IL6R: variants seen among roughly 807,000 people sequenced by gnomAD.
IL6R encodes interleukin 6 receptor.
In IL6R, 38 loss-of-function variants were observed where a neutral mutation model predicts 48.3. The ratio of observed to expected loss-of-function variants is 0.79; its 90% CI spans 0.61 to 1.03. The LOEUF is 1.03. Among genes scored for constraint, IL6R ranks in the 50% least tolerant of loss-of-function variants. IL6R has a pLI of 0.00. For synonymous variants in IL6R, 264 were observed against 256.2 expected (o/e 1.03, Z -0.29); for missense variants, 534 against 618.3 (o/e 0.86, Z 1.45).
chr1:154,469,377 A>C lies in IL6R; in HGVS notation c.*3997A>C. On this transcript the variant is annotated 3_prime_UTR_variant, in exon 10 of 10. Transcript: ENST00000368485. ...GGGGCAAAGGGTCAGTATATTTTTC[A>C]GTGTTTTTTTTTCTACCAGCTATTT... is the stretch of plus-strand genomic sequence containing the variant. 1 of 106,520 alleles carries C rather than the reference A, an allele frequency of 9.4e-6. No homozygotes were observed. Among genetic ancestry groups the C allele is most frequent in the Non-Finnish European group, 2.4e-5 (1 of 41,330 alleles). 6.6% of individuals were successfully genotyped at this position (106,520 alleles called of 1,614,324 possible).
chr1:154,423,161 C>A (rs1688776205), intron 1 of IL6R, among the ~76,000 whole-genome samples: 1 of 151,080 alleles, frequency 6.6e-6, no homozygotes, highest in South Asian at 2.1e-4. Context: ...CCCTCATCCC[C>A]CGACATCCCT....
At chr1:154,418,725 C>T (rs987365302) in intron 1 of IL6R, among the ~76,000 whole-genome samples, 4 of 151,992 alleles carry the variant, frequency 2.6e-5, no homozygotes, top group African/African-American at 4.8e-5. Flanking sequence ...TTGGGGAGGA[C>T]GCGAGATTTG....
chr1:154,423,826 G>C (rs1688824382), intron 1 of IL6R, among the ~76,000 whole-genome samples: 1 of 152,128 alleles, frequency 6.6e-6, no homozygotes, highest in African/African-American at 2.4e-5. Flanking sequence ...GTTGCTCCCT[G>C]CAGCTCTGCT....
intron 6 of IL6R, among the ~76,000 whole-genome samples, chr1:154,445,696 G>A (rs572324113): frequency 6.6e-6 from 1 of 151,382 alleles, no homozygotes; most frequent in South Asian, 2.1e-4. Context: ...CTTGCAGTGA[G>A]CTGAGTTTGC....
At position 154,405,741 on chromosome 1, in the gene IL6R, G is replaced by C. The variant is rs1687667319; in HGVS notation, c.85+27G>C. The C allele has an allele frequency of 7.1e-7, 1 of 1,415,390 alleles. No individual in the cohort carries two copies. The highest frequency in any genetic ancestry group is 1.5e-5 in the African/African-American group (1 of 66,218). 87.7% of individuals were successfully genotyped at this position (1,415,390 alleles called of 1,614,324 possible). A position where few individuals can be genotyped will look rare whatever the true frequency, so the allele number is the denominator to read the frequency against. Reference sequence around the variant, plus strand: ...TAAGGGCTTCGGGCGCACCTGGAGGGCTGGGGCAGCTAGCGGCTGGGGGAA... The same window carrying C: ...TAAGGGCTTCGGGCGCACCTGGAGGCCTGGGGCAGCTAGCGGCTGGGGGAA... On this transcript the variant is annotated intron_variant, in intron 1 of 9. Coordinates refer to ENST00000368485, the MANE Select transcript of IL6R (RefSeq NM_000565.4). This position sits in a 1 kb window ranked among gnomAD's most constrained non-coding sequence, Gnocchi z 5.2.
intron 1 of IL6R, among the ~76,000 whole-genome samples, chr1:154,423,288 T>TATATA (rs1688791504): frequency 1.4e-5 from 2 of 138,628 alleles, no homozygotes; most frequent in African/African-American, 2.6e-5. Flanking sequence ...TATATATGTA[T>TATATA]TCATTATAAG....
chr1:154,407,190 T>G (rs1687776086), intron 1 of IL6R, among the ~76,000 whole-genome samples: 1 of 151,970 alleles, frequency 6.6e-6, no homozygotes, highest in African/African-American at 2.4e-5. Flanking sequence ...CATGGTGGTG[T>G]TAGAGGGATG....
At chr1:154,408,505 A>G (rs1687856437) in intron 1 of IL6R, among the ~76,000 whole-genome samples, 2 of 152,080 alleles carry the variant, frequency 1.3e-5, no homozygotes, top group Admixed American at 1.3e-4. Flanking sequence ...CCGTGAACAG[A>G]TTGTCTGGCT....
intron 4 of IL6R, 81 bp from the exon 5 acceptor site, chr1:154,434,909 G>A: frequency 6.8e-7 from 1 of 1,481,046 alleles, no homozygotes; most frequent in Admixed American, 1.8e-5. Context: ...GTGGGGCCCT[G>A]CTTGCTGGGA....
intron 1 of IL6R, among the ~76,000 whole-genome samples, chr1:154,428,431 A>G (rs992485417): frequency 2.0e-5 from 3 of 152,200 alleles, no homozygotes; most frequent in Non-Finnish European, 4.4e-5. Context: ...GTTACCAACT[A>G]TATAACGGGC....
intron 3 of IL6R, among the ~76,000 whole-genome samples, chr1:154,433,976 G>A (rs932675477): frequency 1.3e-5 from 2 of 151,528 alleles, no homozygotes; most frequent in Admixed American, 6.6e-5. Flanking sequence ...ATCTGCCTGC[G>A]TTGCCCTCCC....
intron 1 of IL6R, among the ~76,000 whole-genome samples, chr1:154,406,220 CCTGA>C (rs548566156): frequency 2.5e-4 from 38 of 152,158 alleles, no homozygotes; most frequent in Non-Finnish European, 3.4e-4. Flanking sequence ...ATGACAGTGC[CCTGA>C]CTATGAAGGG....
At chr1:154,421,908 A>G (rs1351550283) in intron 1 of IL6R, among the ~76,000 whole-genome samples, 1 of 151,994 alleles carries the variant, frequency 6.6e-6, no homozygotes, top group East Asian at 1.9e-4. Flanking sequence ...GGCGTAAGCC[A>G]CGATGCCTGG....
At chr1:154,447,476 T>TATATATATACACAC (rs1424013885) in intron 6 of IL6R, among the ~76,000 whole-genome samples, 2 of 68,816 alleles carry the variant, frequency 2.9e-5, no homozygotes, top group East Asian at 4.4e-4. Flanking sequence ...TATATATATA[T>TATATATATACACAC]ACACACACAC....
chr1:154,447,889 T>C (rs1270206963), intron 6 of IL6R, among the ~76,000 whole-genome samples: 1 of 152,082 alleles, frequency 6.6e-6, no homozygotes, highest in East Asian at 1.9e-4. Context: ...TAATTTTGTA[T>C]TTTTAGTAGA....
Position 154,465,219 on chromosome 1 carries a change from G to A in IL6R, c.1246G>A (p.Glu416Lys). ...GTACTCTTTGGGGCAGCTGGTCCCGGAGAGGCCTCGACCCACCCCAGTGCT... is the reference window on the plus strand; with the variant it reads ...GTACTCTTTGGGGCAGCTGGTCCCGAAGAGGCCTCGACCCACCCCAGTGCT... ...PPYSLGQLVPERPRPTPVLVP... is the reference protein window; with the variant it reads ...PPYSLGQLVPKRPRPTPVLVP... Residue 416 changes from glutamate (E) to lysine (K), a missense_variant, in exon 10 of 10, where the codon GAG becomes AAG. Transcript: ENST00000368485. The A allele has an allele frequency of 9.9e-6, 16 of 1,614,170 alleles. No individual in the cohort carries two copies. The highest frequency in any genetic ancestry group is 1.4e-5 in the Non-Finnish European group (16 of 1,180,028).
At chr1:154,437,416 A>ATT in intron 6 of IL6R, 6 of 351,358 alleles carry the variant, frequency 1.7e-5, no homozygotes, top group South Asian at 3.7e-5. Flanking sequence ...TTTTAACTTA[A>ATT]ATTTTTTTTT....
intron 9 of IL6R, among the ~76,000 whole-genome samples, chr1:154,459,075 C>T (rs1335198144): frequency 6.6e-6 from 1 of 152,122 alleles, no homozygotes; most frequent in Non-Finnish European, 1.5e-5. Flanking sequence ...CCTGAGAGTC[C>T]CTGCCCATGG....
intron 9 of IL6R, among the ~76,000 whole-genome samples, chr1:154,460,923 A>G (rs1691219982): frequency 6.6e-6 from 1 of 152,184 alleles, no homozygotes; most frequent in Admixed American, 6.5e-5. Flanking sequence ...GACCACTACT[A>G]TCAAGATGCA....
Sources: gnomAD v4.1 joint callset for allele counts (sites outside exome capture counted in the v4.1 genomes callset) on GRCh38, gnomAD v4.1.1 for gene constraint, Gnocchi (gnomAD v3.1) non-coding constraint, MANE v1.5 for transcripts, NCBI Gene and HGNC (gene_info 2026-07-23, HGNC 2026-07-21) for gene names.